The following CA7 variants were observed in gnomAD, a reference collection of about 807,000 sequenced individuals.
The protein encoded by CA7 is carbonic anhydrase 7, also known as carbonate dehydratase VII.
Under a neutral mutation model 31.4 loss-of-function variants are expected in CA7, and 13 were observed. The observed-to-expected ratio is 0.41, with a 90% CI of 0.27 to 0.66. The LOEUF (loss-of-function observed/expected upper bound fraction) is 0.66. Ranked by LOEUF, CA7 falls within the 30% of genes least tolerant of loss-of-function variation. The pLI is 0.28. For synonymous variants in CA7, 128 were observed against 133.2 expected (o/e 0.96, Z 0.27); for missense variants, 215 against 351.0 (o/e 0.61, Z 3.10).
At chr16:66,844,580 A>G in intron 1 of CA7, 53 bp downstream of exon 1, 1 of 1,441,884 alleles carries the variant, frequency 6.9e-7, no homozygotes, top group Non-Finnish European at 9.5e-7. Flanking sequence ...ACCCAACTGC[A>G]CTCGCCCCAA....
intron 5 of CA7, 37 bp from the exon 6 acceptor site, chr16:66,852,675 T>G (rs1473992112): frequency 3.2e-6 from 5 of 1,570,634 alleles, no homozygotes; most frequent in Non-Finnish European, 4.3e-6. Flanking sequence ...CAGTGGGAGG[T>G]CTATGCTGAT....
Position 66,850,493 on chromosome 16 carries a change from T to C in CA7, c.239-48T>C, listed in dbSNP as rs1193430508. ...TGCTGCCCTGGTCCTGGCACTGGGC[T>C]GTCGGTCCTCTCCTACTCATTGCCA... On this transcript the variant is annotated intron_variant, in intron 2 of 6. Transcript: ENST00000338437. The C allele has an allele frequency of 4.7e-6, 5 of 1,060,794 alleles. No homozygotes were observed. In the Admixed American group the frequency reaches 6.7e-5, roughly 14 times the overall value. 65.7% of individuals were successfully genotyped at this position (1,060,794 alleles called of 1,614,324 possible).
At chr16:66,845,075 T>G in intron 1 of CA7, 1 of 985,740 alleles carries the variant, frequency 1.0e-6, no homozygotes, top group Non-Finnish European at 1.2e-6. Flanking sequence ...GGCGCAAGCA[T>G]GTGTCTGGGT....
intron 2 of CA7, among the ~76,000 whole-genome samples, chr16:66,848,714 C>G (rs534195809): frequency 1.1e-4 from 17 of 152,290 alleles, no homozygotes; most frequent in Admixed American, 2.0e-4. Flanking sequence ...GCAGCACATT[C>G]TGTGTGTGAA....
chr16:66,847,171 T>C lies in CA7; in HGVS notation c.182T>C (p.Ile61Thr). 1 of 1,614,188 alleles carries C rather than the reference T, an allele frequency of 6.2e-7. No individual in the cohort carries two copies. Among genetic ancestry groups the C allele is most frequent in the Non-Finnish European group, 8.5e-7 (1 of 1,180,022 alleles). ...TATGAGGCCTGCATGTCCCTCAGCATCACCAACAATGGCCACTCTGTCCAG... is the reference window on the plus strand; with the variant it reads ...TATGAGGCCTGCATGTCCCTCAGCACCACCAACAATGGCCACTCTGTCCAG... The part of the protein sequence containing the change: ...LSYEACMSLS[I>T]TNNGHSVQVD... The change falls in exon 2 of 7, where the codon ATC becomes ACC. Residue 61 changes from isoleucine (I) to threonine (T), a missense_variant. Coordinates refer to ENST00000338437, the MANE Select transcript of CA7 (RefSeq NM_005182.3).
intron 1 of CA7, 74 bp from the exon 2 acceptor site, chr16:66,846,956 C>T (rs1245896319): frequency 1.6e-6 from 2 of 1,265,816 alleles, no homozygotes; most frequent in African/African-American, 1.5e-5. Context: ...GAGACCATTC[C>T]CCTATGGGTG....
In CA7 at chr16:66,853,753, A is replaced by G. The variant is rs1398244417; in HGVS notation, c.*255A>G. On this transcript the variant is annotated 3_prime_UTR_variant, in exon 7 of 7. Transcript: ENST00000338437. This position sits in a 1 kb window ranked among gnomAD's most constrained non-coding sequence, Gnocchi z 4.5. ...GGGCTGCCTCTGCTCTCCAAGACCC[A>G]AAGACCCTGGGAACCTCCTCTGGTC... 6.2e-6 allele frequency: 3 copies of G among 480,780 alleles called. No homozygotes were observed. The highest frequency in any genetic ancestry group is 3.3e-5 in the Admixed American group (1 of 30,090). 29.8% of individuals were successfully genotyped at this position (480,780 alleles called of 1,614,324 possible). A position where few individuals can be genotyped will look rare whatever the true frequency, so the allele number is the denominator to read the frequency against.
At chr16:66,850,509 C>A in intron 2 of CA7, 32 bp from the exon 3 acceptor site, 1 of 1,245,274 alleles carries the variant, frequency 8.0e-7, no homozygotes, top group Non-Finnish European at 1.2e-6. Flanking sequence ...TCCTCTCCTA[C>A]TCATTGCCAC....
At chr16:66,845,219 G>A (rs1960902867) in intron 1 of CA7, 1 of 985,554 alleles carries the variant, frequency 1.0e-6, no homozygotes, top group Non-Finnish European at 1.2e-6. Flanking sequence ...TCAGAGAAAG[G>A]GAGAAGAGGC....
At position 66,844,591 on chromosome 16, in the gene CA7, C is replaced by T. The variant is rs1461821113; in HGVS notation, c.40+64C>T. On this transcript the variant is annotated intron_variant, in intron 1 of 6. Coordinates refer to ENST00000338437, the MANE Select transcript of CA7 (RefSeq NM_005182.3). ...CCCGACCCAACTGCACTCGCCCCAA[C>T]CCTCTTGCCCAGCTGGTTTCCCAGA... The T allele has an allele frequency of 1.5e-5, 20 of 1,372,582 alleles. No homozygotes were observed. In the African/African-American group the frequency reaches 2.1e-4, roughly 14 times the overall value. The allele number at this position is 1,372,582 out of a possible 1,614,324, so 85.0% of individuals were successfully genotyped here. A position where few individuals can be genotyped will look rare whatever the true frequency, so the allele number is the denominator to read the frequency against.
intron 1 of CA7, 112 bp downstream of exon 1, chr16:66,844,639 G>A: frequency 1.1e-6 from 1 of 924,364 alleles, no homozygotes. Flanking sequence ...CACACTCCAG[G>A]CTGGGCGGGA....
chr16:66,845,309 T>G (rs1960906126), intron 1 of CA7: 38 of 710,492 alleles, frequency 5.3e-5, no homozygotes, highest in African/African-American at 1.2e-4. Context: ...CAAGCAGGGG[T>G]GGGGGTGTGG....
At position 66,847,226 on chromosome 16, in the gene CA7, C is replaced by A. The variant is rs372289581; in HGVS notation, c.237C>A (p.Thr79=). The A allele has an allele frequency of 8.7e-6, 14 of 1,613,924 alleles. No homozygotes were observed. The African/African-American group carries it at 1.9e-4, about 22-fold the overall frequency. Residue 79 remains threonine, a splice_region_variant and synonymous_variant, in exon 2 of 7, where the codon ACC becomes ACA. Transcript: ENST00000338437. ...ACTTCAATGACAGCGATGACCGAACCGGTAAGTGGCCCCTGCCAAAGCCTG... is the reference window on the plus strand; with the variant it reads ...ACTTCAATGACAGCGATGACCGAACAGGTAAGTGGCCCCTGCCAAAGCCTG... The part of the protein sequence containing the change: ...QVDFNDSDDR[T]VVTGGPLEGP...
At chr16:66,850,099 G>T (rs747314059) in intron 2 of CA7, among the ~76,000 whole-genome samples, 1 of 141,022 alleles carries the variant, frequency 7.1e-6, no homozygotes, top group Admixed American at 7.5e-5. Context: ...CTCCAGCCTC[G>T]GTGACAGAGC....
In CA7 at chr16:66,847,096, T is replaced by C. The variant is rs1157387192; in HGVS notation, c.107T>C (p.Ile36Thr). The C allele has an allele frequency of 2.5e-6, 4 of 1,613,988 alleles. No individual in the cohort carries two copies. Among genetic ancestry groups the C allele is most frequent in the Non-Finnish European group, 3.4e-6 (4 of 1,180,018 alleles). Reference sequence around the variant, plus strand: ...GATCGCCAATCACCCATCAATATCATCTCCAGCCAGGCTGTGTACTCTCCC... The same window carrying C: ...GATCGCCAATCACCCATCAATATCACCTCCAGCCAGGCTGTGTACTCTCCC... ...QGDRQSPINI[I>T]SSQAVYSPSL... Residue 36 changes from isoleucine to threonine, a missense_variant, in exon 2 of 7, where the codon ATC (isoleucine) becomes ACC (threonine). By Grantham distance (89) the Ile-to-Thr change is moderately conservative. Transcript: ENST00000338437.
chr16:66,851,573 G>T lies in CA7; in HGVS notation c.453+15G>T, dbSNP rs1480911516. On this transcript the variant is annotated intron_variant, in intron 4 of 6. Transcript: ENST00000338437. ...TTTTTTTGGAGGTGAGTGGTGGTTT[G>T]CTGGGGCCTGGAGGGGCATGGGAGG... 6 of 1,613,918 alleles carry T rather than the reference G, an allele frequency of 3.7e-6. No individual in the cohort carries two copies. The Admixed American group carries it at 5.0e-5, about 13-fold the overall frequency.
Position 66,853,704 on chromosome 16 carries a change from G to C in CA7, c.*206G>C. On this transcript the variant is annotated 3_prime_UTR_variant, in exon 7 of 7. Coordinates refer to ENST00000338437, the MANE Select transcript of CA7 (RefSeq NM_005182.3). The surrounding 1 kb of genome is among the most constrained non-coding windows in gnomAD (Gnocchi z 4.5). Reference sequence around the variant, plus strand: ...AGCTGCCCTGGGGACAGGAAGGACAGGAGCTAAGCAGGGTCCAAGCCTGGG... The same window carrying C: ...AGCTGCCCTGGGGACAGGAAGGACACGAGCTAAGCAGGGTCCAAGCCTGGG... 1 of 629,014 alleles carries C rather than the reference G, an allele frequency of 1.6e-6. No individual in the cohort carries two copies. Among genetic ancestry groups the C allele is most frequent in the Non-Finnish European group, 2.7e-6 (1 of 370,938 alleles). 39.0% of individuals were successfully genotyped at this position (629,014 alleles called of 1,614,324 possible).
chr16:66,851,172 G>A (rs1001328333), intron 3 of CA7, among the ~76,000 whole-genome samples: 1 of 152,212 alleles, frequency 6.6e-6, no homozygotes. Flanking sequence ...GAGGTGTCAC[G>A]CTGGATGTTC....
At chr16:66,850,122 C>CAAAA (rs4000640) in intron 2 of CA7, among the ~76,000 whole-genome samples, 1 of 82,688 alleles carries the variant, frequency 1.2e-5, no homozygotes, top group Non-Finnish European at 2.3e-5. Context: ...GACTCCATCT[C>CAAAA]AAAAAAAAAA....
Sources: allele counts gnomAD v4.1 joint callset (sites outside exome capture counted in the v4.1 genomes callset), GRCh38; gene constraint gnomAD v4.1.1; non-coding constraint Gnocchi (gnomAD v3.1); transcripts MANE v1.5; gene names NCBI Gene and HGNC (gene_info 2026-07-23, HGNC 2026-07-21).